SLC9A9: variants seen among roughly 807,000 people sequenced by gnomAD.
SLC9A9 encodes the protein solute carrier family 9 member A9.
SLC9A9 carries 62 observed loss-of-function variants against 77.8 expected under a neutral mutation model. The observed-to-expected ratio is 0.80, with a 90% CI of 0.65 to 0.98. The LOEUF is 0.98. Among genes scored for constraint, SLC9A9 ranks in the 50% least tolerant of loss-of-function variants. SLC9A9 has a pLI of 0.00. For missense variants in SLC9A9, 775 were observed against 774.9 expected (o/e 1.00, Z 0.00); for synonymous variants, 320 against 283.5 (o/e 1.13, Z -1.29).
intron 14 of SLC9A9, among the ~76,000 whole-genome samples, chr3:143,357,188 C>T (rs897141372): frequency 2.6e-5 from 4 of 151,848 alleles, no homozygotes; most frequent in African/African-American, 9.7e-5. Context: ...GTTATCTTTA[C>T]ATTTTGCAAG....
At chr3:143,696,164 T>A in intron 4 of SLC9A9, among the ~76,000 whole-genome samples, 1 of 152,242 alleles carries the variant, frequency 6.6e-6, no homozygotes, top group Non-Finnish European at 1.5e-5. Context: ...ATCCCATTTG[T>A]CAATTTTGGC....
chr3:143,271,304 CTG>C (rs1559846906), intron 14 of SLC9A9, among the ~76,000 whole-genome samples: 1 of 152,198 alleles, frequency 6.6e-6, no homozygotes, highest in Non-Finnish European at 1.5e-5. Context: ...TTGGCTCCCT[CTG>C]TGCAGGCTCC....
rs1163349153 is a variant in SLC9A9, at chr3:143,664,586, T to C, written c.650-12226A>G. Reference sequence around the variant, plus strand: ...CAGTGTGCTGTATTCAGGAGACCCATCTCATGTGCAGAGACACACATAGGC... The same window carrying C: ...CAGTGTGCTGTATTCAGGAGACCCACCTCATGTGCAGAGACACACATAGGC... On this transcript the variant is annotated intron_variant, in intron 5 of 15. Transcript: ENST00000316549. Among the ~76,000 whole-genome samples, 4 of 152,090 alleles carry C rather than the reference T, an allele frequency of 2.6e-5. No homozygotes were observed. The East Asian group carries it at 7.7e-4, about 29-fold the overall frequency.
chr3:143,336,244 G>A (rs1004073146), intron 14 of SLC9A9, among the ~76,000 whole-genome samples: 1 of 152,136 alleles, frequency 6.6e-6, no homozygotes, highest in Non-Finnish European at 1.5e-5. Flanking sequence ...GAAAATAAGT[G>A]TTGATGAGGA....
At chr3:143,272,410 C>T (rs1287228501) in intron 14 of SLC9A9, among the ~76,000 whole-genome samples, 1 of 152,190 alleles carries the variant, frequency 6.6e-6, no homozygotes, top group African/African-American at 2.4e-5. Flanking sequence ...TTAATGAAGG[C>T]AACAGGCTCA....
At chr3:143,581,343 T>C (rs549438608) in intron 6 of SLC9A9, among the ~76,000 whole-genome samples, 1 of 152,190 alleles carries the variant, frequency 6.6e-6, no homozygotes. Flanking sequence ...ATGGTGAGAA[T>C]ATACTAAATA....
At chr3:143,362,523 C>T (rs1308883381) in intron 14 of SLC9A9, among the ~76,000 whole-genome samples, 1 of 152,074 alleles carries the variant, frequency 6.6e-6, no homozygotes, top group African/African-American at 2.4e-5. Context: ...CCTCCCCTCC[C>T]CTGTCCATTT....
chr3:143,430,355 A>G (rs528147791), intron 12 of SLC9A9, among the ~76,000 whole-genome samples: 2 of 152,292 alleles, frequency 1.3e-5, no homozygotes, highest in South Asian at 4.1e-4. Context: ...TTTTGACAAA[A>G]CAGAAGTGAC....
At chr3:143,446,363 C>T (rs570858614) in intron 12 of SLC9A9, among the ~76,000 whole-genome samples, 7 of 151,884 alleles carry the variant, frequency 4.6e-5, no homozygotes, top group South Asian at 2.1e-4. Flanking sequence ...TATTCTCTTA[C>T]GAATTGGAAA....
At chr3:143,440,408 C>T (rs1454467393) in intron 12 of SLC9A9, among the ~76,000 whole-genome samples, 3 of 152,092 alleles carry the variant, frequency 2.0e-5, no homozygotes, top group Non-Finnish European at 4.4e-5. Context: ...TGAGGAGAGT[C>T]GGGGTTACGG....
At chr3:143,356,694 T>C (rs949742735) in intron 14 of SLC9A9, among the ~76,000 whole-genome samples, 2 of 152,092 alleles carry the variant, frequency 1.3e-5, no homozygotes, top group Non-Finnish European at 2.9e-5. Context: ...TTAACTTTTT[T>C]TGTAGAGGTG....
chr3:143,662,846 T>G (rs1250734421), intron 5 of SLC9A9, among the ~76,000 whole-genome samples: 1 of 152,268 alleles, frequency 6.6e-6, no homozygotes, highest in East Asian at 1.9e-4. Flanking sequence ...GAGGCCTGCA[T>G]GCCTCTGTAG....
chr3:143,441,868 A>G (rs1349323135), intron 12 of SLC9A9, among the ~76,000 whole-genome samples: 1 of 151,814 alleles, frequency 6.6e-6, no homozygotes, highest in African/African-American at 2.4e-5. Context: ...CCATCCATCC[A>G]TCCATCCATC....
intron 1 of SLC9A9, among the ~76,000 whole-genome samples, chr3:143,836,108 C>T (rs887870123): frequency 2.6e-5 from 4 of 152,222 alleles, no homozygotes; most frequent in African/African-American, 7.2e-5. Context: ...TCCTAAAGCA[C>T]TCACTATCCT....
chr3:143,832,827 G>A (rs1335449722), intron 1 of SLC9A9, among the ~76,000 whole-genome samples: 1 of 151,632 alleles, frequency 6.6e-6, no homozygotes, highest in Non-Finnish European at 1.5e-5. Flanking sequence ...ACAGAACCTA[G>A]GTGTTGAAGG....
chr3:143,667,666 G>A (rs2039091569), intron 5 of SLC9A9, among the ~76,000 whole-genome samples: 1 of 152,112 alleles, frequency 6.6e-6, no homozygotes, highest in African/African-American at 2.4e-5. Flanking sequence ...TGAAAAAGTG[G>A]GTGAATGATA....
intron 12 of SLC9A9, among the ~76,000 whole-genome samples, chr3:143,389,130 G>T (rs1417823386): frequency 6.6e-6 from 1 of 152,166 alleles, no homozygotes; most frequent in African/African-American, 2.4e-5. Flanking sequence ...AATCTTGAGT[G>T]CTATGCTTAT....
chr3:143,700,968 A>T (rs1933782565), intron 4 of SLC9A9, among the ~76,000 whole-genome samples: 1 of 152,226 alleles, frequency 6.6e-6, no homozygotes, highest in Admixed American at 6.5e-5. Flanking sequence ...GCAAGGCTCC[A>T]TTTGTTTGGG....
intron 9 of SLC9A9, among the ~76,000 whole-genome samples, chr3:143,498,498 G>A (rs1245354459): frequency 6.7e-6 from 1 of 149,608 alleles, no homozygotes; most frequent in Non-Finnish European, 1.5e-5. Context: ...ACGCTGCAGT[G>A]AGCCGAGATC....
Sources: allele counts gnomAD v4.1 joint callset (sites outside exome capture counted in the v4.1 genomes callset), GRCh38; gene constraint gnomAD v4.1.1; transcripts MANE v1.5; gene names NCBI Gene and HGNC (gene_info 2026-07-23, HGNC 2026-07-21).